The following TCP1 variants were observed in gnomAD, a reference collection of about 807,000 sequenced individuals.
The protein encoded by TCP1 is T-complex protein 1 subunit alpha.
TCP1 carries 6 observed loss-of-function variants against 54.7 expected under a neutral mutation model. The ratio of observed to expected loss-of-function variants is 0.11; its 90% confidence interval spans 0.06 to 0.22. The LOEUF is 0.22. TCP1 is among the 10% of genes least tolerant of loss of function. TCP1 has a pLI of 1.00. For missense variants in TCP1, 511 were observed against 678.2 expected, an observed-to-expected ratio of 0.75 and a Z score of 2.74; for synonymous variants, 225 against 229.7, an observed-to-expected ratio of 0.98 and a Z score of 0.19.
At chr6:159,779,487 A>G in intron 11 of TCP1, 140 bp downstream of exon 11, 1 of 1,222,664 alleles carries the variant, frequency 8.2e-7, no homozygotes, top group Non-Finnish European at 1.1e-6. Flanking sequence ...TGACTGAACA[A>G]CAAATGCTTG....
chr6:159,787,902 A>G, intron 2 of TCP1, 31 bp from the exon 3 acceptor site: 1 of 1,612,324 alleles, frequency 6.2e-7, no homozygotes, highest in Non-Finnish European at 8.5e-7. Context: ...AATATGAACC[A>G]CTTATAGAAA....
In TCP1 at chr6:159,779,179, T is replaced by C. The variant is rs1466126092; in HGVS notation, c.1537A>G (p.Ser513Gly). The C allele has an allele frequency of 6.2e-7, 1 of 1,613,860 alleles. No homozygotes were observed. The highest frequency in any genetic ancestry group is 2.2e-5 in the East Asian group (1 of 44,876). The change falls in exon 12 of 12, where the codon AGT (serine) becomes GGT (glycine). Residue 513 changes from serine to glycine, a missense_variant. Physicochemically the swap from Ser to Gly is moderately conservative, Grantham distance 56 (BLOSUM62 0). This residue lies in a region of TCP1 where 88 missense variants were observed against 153.1 expected (regional missense o/e 0.57). Coordinates refer to ENST00000321394, the MANE Select transcript of TCP1 (RefSeq NM_030752.3). ...GCAGCTTCTGTTGCAAATTTCAAAC[T>C]CTTAACTTTAACTATGGTTGGTTCA... The part of the protein sequence containing the change: ...VFEPTIVKVK[S>G]LKFATEAAIT...
At chr6:159,780,388 T>A (rs773948761) in intron 9 of TCP1, 55 bp downstream of exon 9, 2 of 1,612,292 alleles carry the variant, frequency 1.2e-6, no homozygotes, top group East Asian at 4.5e-5. Flanking sequence ...GAAGAAAACC[T>A]ACTTTTACTT....
In TCP1 at chr6:159,779,616, A is replaced by AC. The variant is rs749165231; in HGVS notation, c.1454+10dup. The AC allele has an allele frequency of 2.5e-6, 4 of 1,592,796 alleles. No homozygotes were observed. Among genetic ancestry groups the AC allele is most frequent in the South Asian group, 2.3e-5 (2 of 87,258 alleles). ...TGCAGAGGTTAACAAAGAGCGGGAA[A>AC]CCATGCTTACCATTTTAGATTTTTA... is the stretch of plus-strand genomic sequence containing the variant. On this transcript the variant is annotated intron_variant, in intron 11 of 11. Transcript: ENST00000321394.
At chr6:159,787,994 C>T (rs563419594) in intron 2 of TCP1, 64 bp downstream of exon 2, 47 of 1,607,088 alleles carry the variant, frequency 2.9e-5, no homozygotes, top group Non-Finnish European at 3.7e-5. Context: ...AAAGAAAGAA[C>T]ATAGCAAAAC....
rs1309896135 is a variant in TCP1, at chr6:159,787,644, C to T, written c.279+99G>A. ...TCTTCTGGGCATTCAGAATATGTAACTTATTTCTGACACAGCACAAATGAC... is the reference window on the plus strand; with the variant it reads ...TCTTCTGGGCATTCAGAATATGTAATTTATTTCTGACACAGCACAAATGAC... On this transcript the variant is annotated intron_variant, in intron 3 of 11. Transcript: ENST00000321394. The T allele has an allele frequency of 7.0e-6, 10 of 1,435,656 alleles. No homozygotes were observed. The African/African-American group carries it at 1.1e-4, about 16-fold the overall frequency. 88.9% of individuals were successfully genotyped at this position (1,435,656 alleles called of 1,614,324 possible). A position where few individuals can be genotyped will look rare whatever the true frequency, so the allele number is the denominator to read the frequency against.
intron 9 of TCP1, 139 bp downstream of exon 9, chr6:159,780,304 G>A (rs988202507): frequency 1.5e-6 from 2 of 1,364,332 alleles, no homozygotes; most frequent in Non-Finnish European, 2.1e-6. Context: ...TCAATTTACA[G>A]TGGCCCAATG....
chr6:159,784,000 C>T lies in TCP1; in HGVS notation c.738G>A (p.Met246Ile). The part of the protein sequence containing the change: ...CLDFSLQKTK[M>I]KLGVQVVITD... The stretch of plus-strand genomic sequence containing the variant: ...TAATGACCACCTGTACACCAAGCTT[C>T]ATTTTTGTTTTTTGCAGGCTGAAGT... Residue 246 changes from methionine (M) to isoleucine (I), a missense_variant, in exon 7 of 12, where the codon ATG becomes ATA. Physicochemically the swap from Met to Ile is conservative, Grantham distance 10. This residue lies in a region of TCP1 where 305 missense variants were observed against 352.8 expected (regional missense o/e 0.86). Coordinates refer to ENST00000321394, the MANE Select transcript of TCP1 (RefSeq NM_030752.3). 1 of 1,613,450 alleles carries T rather than the reference C, an allele frequency of 6.2e-7. No individual in the cohort carries two copies. The highest frequency in any genetic ancestry group is 8.5e-7 in the Non-Finnish European group (1 of 1,179,976).
At chr6:159,780,783 A>T in intron 8 of TCP1, 152 bp downstream of exon 8, 1 of 1,202,980 alleles carries the variant, frequency 8.3e-7, no homozygotes, top group Admixed American at 2.8e-5. Flanking sequence ...AGTTACATGA[A>T]AAATGGCTCT....
chr6:159,780,215 G>A, intron 9 of TCP1, 128 bp from the exon 10 acceptor site: 1 of 1,267,278 alleles, frequency 7.9e-7, no homozygotes, highest in East Asian at 2.3e-5. Flanking sequence ...CTTAAGTCCT[G>A]CCTACACAGG....
rs1780798984 is a variant in TCP1 at position 159,789,505 on chromosome 6, C to G, written c.-37G>C. The G allele has an allele frequency of 1.2e-6, 2 of 1,613,106 alleles. No homozygotes were observed. The highest frequency in any genetic ancestry group is 2.7e-5 in the African/African-American group (2 of 74,898). On this transcript the variant is annotated 5_prime_UTR_variant, in exon 1 of 12. Transcript: ENST00000321394. ...CGATACACGTCGAATTCTGCTTACACCGCGGGCAACCAGTATCGCGGCCCC... is the reference window on the plus strand; with the variant it reads ...CGATACACGTCGAATTCTGCTTACAGCGCGGGCAACCAGTATCGCGGCCCC...
rs367797947 is a variant in TCP1, at chr6:159,779,112, G to A, written c.1604C>T (p.Pro535Leu). The change falls in exon 12 of 12, where the codon CCA (proline) becomes CTA (leucine). Residue 535 changes from proline (P) to leucine (L), a missense_variant. Physicochemically the swap from Pro to Leu is moderately conservative, Grantham distance 98. Coordinates refer to ENST00000321394, the MANE Select transcript of TCP1 (RefSeq NM_030752.3). ...LRIDDLIKLH[P>L]ESKDDKHGSY... Reference sequence around the variant, plus strand: ...TCCATGTTTATCATCTTTACTTTCTGGATGTAATTTAATAAGATCATCAAT... The same window carrying A: ...TCCATGTTTATCATCTTTACTTTCTAGATGTAATTTAATAAGATCATCAAT... 9.9e-6 allele frequency: 16 copies of A among 1,613,870 alleles called. No individual in the cohort carries two copies. Among genetic ancestry groups the A allele is most frequent in the Middle Eastern group, 1.6e-4 (1 of 6,082 alleles).
In TCP1 at chr6:159,778,992, C is replaced by A; in HGVS notation, c.*53G>T. On this transcript the variant is annotated 3_prime_UTR_variant, in exon 12 of 12. Coordinates refer to ENST00000321394, the MANE Select transcript of TCP1 (RefSeq NM_030752.3). ...TTACTTTAATGTGTAATACTCAACTCAAGGTACAAGACAATTGCATTTAAC... is the reference window on the plus strand; with the variant it reads ...TTACTTTAATGTGTAATACTCAACTAAAGGTACAAGACAATTGCATTTAAC... 6.3e-7 allele frequency: 1 copy of A among 1,580,364 alleles called. No individual in the cohort carries two copies. The highest frequency in any genetic ancestry group is 1.1e-5 in the South Asian group (1 of 87,320).
chr6:159,786,058 G>T, intron 3 of TCP1, 61 bp from the exon 4 acceptor site: 1 of 1,330,622 alleles, frequency 7.5e-7, no homozygotes, highest in Non-Finnish European at 1.1e-6. Flanking sequence ...CAATACATAT[G>T]GAATGACACT....
At position 159,778,908 on chromosome 6, in the gene TCP1, C is replaced by T; in HGVS notation, c.*137G>A. On this transcript the variant is annotated 3_prime_UTR_variant, in exon 12 of 12. Transcript: ENST00000321394. The stretch of plus-strand genomic sequence containing the variant: ...GTTGCAATATGTGAAATCAGAGGAC[C>T]AAAGTACAGATGGAAACCATTTCCT... 2 of 1,589,244 alleles carry T rather than the reference C, an allele frequency of 1.3e-6. No individual in the cohort carries two copies. Among genetic ancestry groups the T allele is most frequent in the Non-Finnish European group, 1.7e-6 (2 of 1,164,038 alleles).
Position 159,785,894 on chromosome 6 carries a change from T to C in TCP1, c.377+6A>G, listed in dbSNP as rs1442346012. ...AAAAAATTTCTCTGAATGCAAACAA[T>C]CTTACTTGCAAGCAAGTCGATAGCC... On this transcript the variant is annotated splice_donor_region_variant and intron_variant, in intron 4 of 11. Coordinates refer to ENST00000321394, the MANE Select transcript of TCP1 (RefSeq NM_030752.3). The C allele has an allele frequency of 6.2e-7, 1 of 1,611,288 alleles. No individual in the cohort carries two copies. The highest frequency in any genetic ancestry group is 1.1e-5 in the South Asian group (1 of 91,020).
Position 159,779,026 on chromosome 6 carries a change from A to G in TCP1, c.*19T>C. 1 of 1,605,528 alleles carries G rather than the reference A, an allele frequency of 6.2e-7. No homozygotes were observed. Among genetic ancestry groups the G allele is most frequent in the Non-Finnish European group, 8.5e-7 (1 of 1,173,588 alleles). ...AGACAATTGCATTTAACATTGTTAT[A>G]AATAAAAGGAACATCAGATCAATCA... On this transcript the variant is annotated 3_prime_UTR_variant, in exon 12 of 12. Transcript: ENST00000321394.
intron 3 of TCP1, among the ~76,000 whole-genome samples, chr6:159,786,841 A>G (rs1780708924): frequency 6.6e-6 from 1 of 152,220 alleles, no homozygotes; most frequent in African/African-American, 2.4e-5. Context: ...TGAAGAGTTT[A>G]TACTGTGTAT....
Position 159,782,082 on chromosome 6 carries a change from G to C in TCP1, c.798-972C>G, listed in dbSNP as rs139404388. On this transcript the variant is annotated intron_variant, in intron 7 of 11. Coordinates refer to ENST00000321394, the MANE Select transcript of TCP1 (RefSeq NM_030752.3). ...AGTAAAATAAATAACAAGAGTTTTGGGGGCAGGATGGGAAATGAGAGTTTA... is the reference window on the plus strand; with the variant it reads ...AGTAAAATAAATAACAAGAGTTTTGCGGGCAGGATGGGAAATGAGAGTTTA... Among the ~76,000 whole-genome samples the C allele has an allele frequency of 5.2e-3, 789 of 152,252 alleles. 5 individuals are homozygous for C. The highest frequency in any genetic ancestry group is 0.018 in the African/African-American group (747 of 41,550).
Sources: gnomAD v4.1 joint callset for allele counts (sites outside exome capture counted in the v4.1 genomes callset) on GRCh38, gnomAD v4.1.1 for gene constraint, gnomAD v4.1.1 regional missense constraint, MANE v1.5 for transcripts, NCBI Gene and HGNC (gene_info 2026-07-23, HGNC 2026-07-21) for gene names.